IL1RAPL1: variants seen among roughly 807,000 people sequenced by gnomAD.
The protein encoded by IL1RAPL1 is interleukin-1 receptor accessory protein-like 1.
IL1RAPL1 carries 3 observed loss-of-function variants against 48.4 expected under a neutral mutation model. The observed-to-expected ratio is 0.06, with a 90% CI of 0.03 to 0.16. IL1RAPL1 has a LOEUF of 0.16. IL1RAPL1 is among the 10% of genes least tolerant of loss of function. The pLI is 1.00. For missense variants in IL1RAPL1, 349 were observed against 530.6 expected (o/e 0.66, Z 3.36); for synonymous variants, 185 against 187.7 (o/e 0.99, Z 0.12).
chrX:29,196,705 G>A (rs773453256), intron 2 of IL1RAPL1, among the ~76,000 whole-genome samples: 3 of 109,978 alleles, frequency 2.7e-5, no homozygotes, highest in South Asian at 4.0e-4. Context: ...ACTCTGCAGG[G>A]AACCTCACAC....
intron 1 of IL1RAPL1, among the ~76,000 whole-genome samples, chrX:28,621,903 G>A (rs1367319631): frequency 1.8e-5 from 2 of 111,186 alleles, no homozygotes; most frequent in Non-Finnish European, 3.8e-5. Flanking sequence ...ATTAATTTAC[G>A]ATCTTAGATG....
chrX:28,857,636 G>T (rs1369256378), intron 2 of IL1RAPL1, among the ~76,000 whole-genome samples: 1 of 111,353 alleles, frequency 9.0e-6, no homozygotes, highest in Non-Finnish European at 1.9e-5. Context: ...AGCATGGGTT[G>T]CTGAGTATTC....
chrX:29,659,833 T>C (rs760498488), intron 5 of IL1RAPL1, among the ~76,000 whole-genome samples: 1 of 111,950 alleles, frequency 8.9e-6, no homozygotes, highest in South Asian at 3.7e-4. Context: ...TTGAGCTCTT[T>C]ATATATTCTA....
At chrX:29,300,092 A>G (rs770202865) in intron 3 of IL1RAPL1, among the ~76,000 whole-genome samples, 66 of 112,016 alleles carry the variant, frequency 5.9e-4, no homozygotes, top group Non-Finnish European at 1.0e-3. Flanking sequence ...TACTGGTGCC[A>G]TGCTTTTCGT....
intron 1 of IL1RAPL1, among the ~76,000 whole-genome samples, chrX:28,734,858 C>G (rs926978320): frequency 3.6e-5 from 4 of 111,625 alleles, no homozygotes; most frequent in Non-Finnish European, 7.5e-5. Context: ...TTTTTCCTCT[C>G]CCCTACAAAT....
intron 2 of IL1RAPL1, among the ~76,000 whole-genome samples, chrX:28,914,303 A>G (rs1276227441): frequency 9.0e-6 from 1 of 111,122 alleles, no homozygotes; most frequent in Admixed American, 9.6e-5. Context: ...TAACATAAGC[A>G]CAGGAAATAT....
intron 5 of IL1RAPL1, among the ~76,000 whole-genome samples, chrX:29,516,994 A>G (rs1272492331): frequency 9.0e-6 from 1 of 111,576 alleles, no homozygotes; most frequent in Non-Finnish European, 1.9e-5. Flanking sequence ...AGTACTTCGC[A>G]TATTTTGGAT....
intron 2 of IL1RAPL1, among the ~76,000 whole-genome samples, chrX:28,926,082 G>T (rs1923735002): frequency 1.8e-5 from 2 of 112,071 alleles, no homozygotes; most frequent in African/African-American, 6.5e-5. Context: ...GCCACCTGTG[G>T]CTACTTAAAT....
At chrX:29,607,331 A>G (rs1421794871) in intron 5 of IL1RAPL1, among the ~76,000 whole-genome samples, 1 of 111,955 alleles carries the variant, frequency 8.9e-6, no homozygotes, top group Non-Finnish European at 1.9e-5. Context: ...GTCTTCTAGT[A>G]AGTCATGACA....
intron 2 of IL1RAPL1, among the ~76,000 whole-genome samples, chrX:29,053,037 C>A (rs185089837): frequency 1.9e-4 from 21 of 111,379 alleles, no homozygotes; most frequent in East Asian, 5.6e-4. Flanking sequence ...CTATCCTCCA[C>A]CCTCTGATAG....
chrX:29,597,843 C>G (rs745625100), intron 5 of IL1RAPL1, among the ~76,000 whole-genome samples: 1 of 112,117 alleles, frequency 8.9e-6, no homozygotes, highest in South Asian at 3.7e-4. Flanking sequence ...CTTGAATAAT[C>G]TTCTGTATTT....
At chrX:29,199,102 A>G (rs930467176) in intron 2 of IL1RAPL1, among the ~76,000 whole-genome samples, 1 of 112,149 alleles carries the variant, frequency 8.9e-6, no homozygotes, top group Non-Finnish European at 1.9e-5. Flanking sequence ...GAACAATTAA[A>G]TAAATTATGG....
At chrX:29,276,030 C>G (rs1932113329) in intron 2 of IL1RAPL1, among the ~76,000 whole-genome samples, 1 of 112,095 alleles carries the variant, frequency 8.9e-6, no homozygotes, top group Non-Finnish European at 1.9e-5. Flanking sequence ...TGCCTTGAAC[C>G]CTGTTACTTT....
At chrX:29,320,244 G>A (rs148114648) in intron 3 of IL1RAPL1, among the ~76,000 whole-genome samples, 154 of 111,710 alleles carry the variant, frequency 1.4e-3, no homozygotes, top group African/African-American at 4.9e-3. Flanking sequence ...ATGTGCATAT[G>A]TACATTTTTA....
intron 2 of IL1RAPL1, among the ~76,000 whole-genome samples, chrX:29,280,223 T>A (rs1932179737): frequency 8.9e-6 from 1 of 112,083 alleles, no homozygotes; most frequent in African/African-American, 3.2e-5. Context: ...AACTTGGACA[T>A]CTCTGTGTAG....
chrX:29,123,683 T>A (rs188790930), intron 2 of IL1RAPL1, among the ~76,000 whole-genome samples: 2 of 111,346 alleles, frequency 1.8e-5, no homozygotes, highest in African/African-American at 3.3e-5. Flanking sequence ...GTGATAAACC[T>A]GATGTATTTA....
intron 1 of IL1RAPL1, among the ~76,000 whole-genome samples, chrX:28,609,628 T>TATACAC: frequency 1.1e-5 from 1 of 89,430 alleles, no homozygotes; most frequent in East Asian, 3.7e-4. Flanking sequence ...TGCATGTTCT[T>TATACAC]ACACACACAC....
At chrX:29,163,544 GAGGCCA>G (rs1249451209) in intron 2 of IL1RAPL1, among the ~76,000 whole-genome samples, 2 of 111,483 alleles carry the variant, frequency 1.8e-5, no homozygotes, top group African/African-American at 6.5e-5. Flanking sequence ...TTATAGATTG[GAGGCCA>G]AGACTGGAGG....
At chrX:28,818,685 A>T in intron 2 of IL1RAPL1, among the ~76,000 whole-genome samples, 1 of 110,503 alleles carries the variant, frequency 9.0e-6, no homozygotes, top group African/African-American at 3.3e-5. Flanking sequence ...ATTCTAATAA[A>T]TTCTGTATGT....
Sources: gnomAD v4.1 joint callset for allele counts (sites outside exome capture counted in the v4.1 genomes callset) on GRCh38, gnomAD v4.1.1 for gene constraint, MANE v1.5 for transcripts, NCBI Gene and HGNC (gene_info 2026-07-23, HGNC 2026-07-21) for gene names.